The following YES1 variants were observed in gnomAD, a reference collection of about 807,000 sequenced individuals.
YES1 encodes the protein tyrosine-protein kinase Yes.
Under a neutral mutation model 70.4 loss-of-function variants are expected in YES1, and 39 were observed. That is an observed-to-expected ratio of 0.55 (90% CI 0.43 to 0.72). YES1 has a LOEUF of 0.72. Ranked by LOEUF, YES1 falls within the 30% of genes least tolerant of loss-of-function variation. The pLI is 0.00. For missense variants in YES1, 495 were observed against 644.8 expected (o/e 0.77, Z 2.52); for synonymous variants, 198 against 218.6 (o/e 0.91, Z 0.83).
At position 723,371 on chromosome 18, in the gene YES1, C is replaced by T. The variant is rs2079982114; in HGVS notation, c.*1053G>A. 6.8e-6 allele frequency: 1 copy of T among 147,560 alleles called. No individual in the cohort carries two copies. The highest frequency in any genetic ancestry group is 1.5e-5 in the Non-Finnish European group (1 of 67,394). 9.1% of individuals were successfully genotyped at this position (147,560 alleles called of 1,614,324 possible). On this transcript the variant is annotated 3_prime_UTR_variant, in exon 12 of 12. Transcript: ENST00000314574. Reference sequence around the variant, plus strand: ...ATCAACATTAAACATTACCTTCCATCCCTCTAACTTGTAAAACTTTCACTT... The same window carrying T: ...ATCAACATTAAACATTACCTTCCATTCCTCTAACTTGTAAAACTTTCACTT...
intron 1 of YES1, among the ~76,000 whole-genome samples, chr18:798,527 G>C (rs1906656144): frequency 6.6e-6 from 1 of 152,122 alleles, no homozygotes; most frequent in Non-Finnish European, 1.5e-5. Flanking sequence ...GGGGAAAAGG[G>C]GAAATGGTGA....
chr18:731,706 G>A (rs546131992), intron 11 of YES1, among the ~76,000 whole-genome samples: 10 of 152,074 alleles, frequency 6.6e-5, no homozygotes, highest in African/African-American at 1.2e-4. Flanking sequence ...GGTGGCTCAC[G>A]CCTGTAATCC....
chr18:736,872 C>T lies in YES1; in HGVS notation c.1227G>A (p.Val409=), dbSNP rs759189339. The change falls in exon 10 of 12, where the codon GTG becomes GTA. Residue 409 remains valine (V), a synonymous_variant. Transcript: ENST00000314574. ...AANILVGENL[V]CKIADFGLAR... is the part of the protein sequence containing the mutation. ...CTAAACCAAAGTCTGCTATTTTGCA[C>T]ACAAGATTTTCTCCTACAAGAATAT... is the stretch of plus-strand genomic sequence containing the variant. 3 of 1,612,848 alleles carry T rather than the reference C, an allele frequency of 1.9e-6. No homozygotes were observed. Among genetic ancestry groups the T allele is most frequent in the Non-Finnish European group, 2.5e-6 (3 of 1,179,970 alleles).
intron 1 of YES1, among the ~76,000 whole-genome samples, chr18:799,007 T>C (rs763232008): frequency 1.3e-5 from 2 of 152,154 alleles, no homozygotes; most frequent in East Asian, 1.9e-4. Flanking sequence ...ACCTCAAATA[T>C]AAAATTAAAT....
chr18:788,470 T>A (rs1906077721), intron 1 of YES1, among the ~76,000 whole-genome samples: 1 of 152,194 alleles, frequency 6.6e-6, no homozygotes, highest in Admixed American at 6.5e-5. Flanking sequence ...TAAAATTTTG[T>A]TTTATTAAAA....
chr18:803,226 C>T (rs1013635314), intron 1 of YES1, among the ~76,000 whole-genome samples: 2 of 152,196 alleles, frequency 1.3e-5, no homozygotes, highest in African/African-American at 4.8e-5. Flanking sequence ...CAGAGTGAGA[C>T]TCCGTCTCAA....
intron 1 of YES1, among the ~76,000 whole-genome samples, chr18:765,054 A>C (rs184911464): frequency 5.9e-5 from 9 of 151,342 alleles, no homozygotes; most frequent in African/African-American, 2.2e-4. Flanking sequence ...TTTTAAAGAT[A>C]ACAGAACTCT....
rs184292401 is a variant in YES1, at chr18:722,906, C to G, written c.*1518G>C. The G allele has an allele frequency of 2.6e-5, 4 of 152,208 alleles. No individual in the cohort carries two copies. Among genetic ancestry groups the G allele is most frequent in the Non-Finnish European group, 5.9e-5 (4 of 68,078 alleles). The allele number at this position is 152,208 out of a possible 1,614,324, so 9.4% of individuals were successfully genotyped here. The stretch of plus-strand genomic sequence containing the variant: ...AGGAGATCGAGACTATCCTGGCTAA[C>G]ACGGTGAAACTGCGTCTCTACTAAA... On this transcript the variant is annotated 3_prime_UTR_variant, in exon 12 of 12. Transcript: ENST00000314574.
chr18:790,334 T>C (rs1906181867), intron 1 of YES1, among the ~76,000 whole-genome samples: 1 of 152,174 alleles, frequency 6.6e-6, no homozygotes, highest in Admixed American at 6.6e-5. Flanking sequence ...CGAGATGGCG[T>C]CACTGAACTC....
intron 1 of YES1, among the ~76,000 whole-genome samples, chr18:800,721 G>T (rs1162401658): frequency 6.6e-6 from 1 of 152,216 alleles, no homozygotes; most frequent in Non-Finnish European, 1.5e-5. Flanking sequence ...AGCTTCTGAT[G>T]AGACTCTTCT....
chr18:737,722 T>G (rs2080169376), intron 9 of YES1, among the ~76,000 whole-genome samples: 1 of 152,208 alleles, frequency 6.6e-6, no homozygotes, highest in Admixed American at 6.5e-5. Flanking sequence ...GTTTTTTACA[T>G]TTTGATTGAT....
chr18:800,628 C>T (rs1906771593), intron 1 of YES1, among the ~76,000 whole-genome samples: 1 of 152,120 alleles, frequency 6.6e-6, no homozygotes, highest in Non-Finnish European at 1.5e-5. Context: ...GAAGAAAAGG[C>T]TACTAAGATG....
chr18:762,400 T>C (rs923223434), intron 1 of YES1, among the ~76,000 whole-genome samples: 5 of 152,170 alleles, frequency 3.3e-5, no homozygotes, highest in South Asian at 4.1e-4. Flanking sequence ...ACTGATTACC[T>C]GGGTAACAAA....
chr18:748,797 TAA>T lies in YES1; in HGVS notation c.372-781_372-780del, dbSNP rs35481075. 2.3e-4 allele frequency among the ~76,000 whole-genome samples: 35 copies of T among 150,128 alleles called. 1 individual carries two copies. In the South Asian group the frequency reaches 2.7e-3, roughly 12 times the overall value. ...AATACTCTTTTTTACTCATTTTAGA[TAA>T]AAAAAAAAATCACAATGCTCTAACA... On this transcript the variant is annotated intron_variant, in intron 3 of 11. Coordinates refer to ENST00000314574, the MANE Select transcript of YES1 (RefSeq NM_005433.4).
At chr18:789,607 A>C (rs771785139) in intron 1 of YES1, among the ~76,000 whole-genome samples, 1 of 152,110 alleles carries the variant, frequency 6.6e-6, no homozygotes, top group Non-Finnish European at 1.5e-5. Flanking sequence ...AACCCCCAAA[A>C]CAAAAAAACC....
At chr18:790,776 GT>G (rs1474394405) in intron 1 of YES1, among the ~76,000 whole-genome samples, 1 of 152,128 alleles carries the variant, frequency 6.6e-6, no homozygotes, top group African/African-American at 2.4e-5. Flanking sequence ...TTTAAATCTT[GT>G]TTTAAAAAAC....
chr18:746,546 G>A (rs1787258931), intron 4 of YES1, among the ~76,000 whole-genome samples: 2 of 152,118 alleles, frequency 1.3e-5, no homozygotes, highest in Non-Finnish European at 2.9e-5. Flanking sequence ...AGAGCTCACA[G>A]AAAATGAGAA....
At chr18:751,581 T>G in intron 3 of YES1, 124 bp downstream of exon 3, 1 of 655,116 alleles carries the variant, frequency 1.5e-6, no homozygotes, top group Non-Finnish European at 2.7e-6. Flanking sequence ...AATGCATCGT[T>G]AAACACAGTG....
In YES1 at chr18:743,307, C is replaced by T. The variant is rs754509357; in HGVS notation, c.833G>A (p.Arg278Gln). The change falls in exon 7 of 12, where the codon CGA becomes CAA. Residue 278 changes from arginine (R) to glutamine (Q), a missense_variant. By Grantham distance (43) the Arg-to-Gln change is conservative (BLOSUM62 1). Transcript: ENST00000314574. ...TCCTTGTCCTAGTTTAACCTCTAGTCGCAAAGATTCTCGAGGGATTTCCCA... is the reference window on the plus strand; with the variant it reads ...TCCTTGTCCTAGTTTAACCTCTAGTTGCAAAGATTCTCGAGGGATTTCCCA... ...DAWEIPRESL[R>Q]LEVKLGQGCF... 1.2e-5 allele frequency: 20 copies of T among 1,612,188 alleles called. No homozygotes were observed. Among genetic ancestry groups the T allele is most frequent in the Admixed American group, 8.3e-5 (5 of 59,992 alleles).
Sources: allele counts gnomAD v4.1 joint callset (sites outside exome capture counted in the v4.1 genomes callset), GRCh38; gene constraint gnomAD v4.1.1; transcripts MANE v1.5; gene names NCBI Gene and HGNC (gene_info 2026-07-23, HGNC 2026-07-21).